Variants in CCDC110 observed in about 807,000 individuals in gnomAD.
CCDC110 encodes coiled-coil domain-containing protein 110.
A neutral mutation model predicts 77.1 loss-of-function variants in CCDC110; 70 were observed. That is an observed-to-expected ratio of 0.91 (90% CI 0.75 to 1.11). The LOEUF (loss-of-function observed/expected upper bound fraction) is 1.11, where lower values mean the gene tolerates loss of function less well. Ranked by LOEUF, CCDC110 falls within the 50% of genes least tolerant of loss-of-function variation. The pLI, the probability that CCDC110 is intolerant of heterozygous loss-of-function variation, is 0.00. For missense variants in CCDC110, 868 were observed against 942.9 expected, an observed-to-expected ratio of 0.92 and a Z score of 1.04; for synonymous variants, 295 against 312.5, an observed-to-expected ratio of 0.94 and a Z score of 0.59.
chr4:185,455,224 C>T (rs2095634365), intron 6 of CCDC110, among the ~76,000 whole-genome samples: 2 of 151,924 alleles, frequency 1.3e-5, no homozygotes, highest in African/African-American at 2.4e-5. Flanking sequence ...AACCATAATT[C>T]AAACAGTTCT....
In CCDC110 at chr4:185,456,246, A is replaced by G. The variant is rs138935895; in HGVS notation, c.2461+1880T>C. Among the ~76,000 whole-genome samples, 558 of 152,360 alleles carry G rather than the reference A, an allele frequency of 3.7e-3. 6 individuals are homozygous for G. Among genetic ancestry groups the G allele is most frequent in the African/African-American group, 0.013 (533 of 41,598 alleles). ...TTTAGAAATCAAGCAACTCACTTCC[A>G]ATCCATTGGGTCAAAGAATAAATCA... On this transcript the variant is annotated intron_variant, in intron 6 of 6. Coordinates refer to ENST00000307588, the MANE Select transcript of CCDC110 (RefSeq NM_152775.4).
At chr4:185,457,847 G>A in intron 6 of CCDC110, 1 of 1,247,504 alleles carries the variant, frequency 8.0e-7, no homozygotes, top group Non-Finnish European at 1.1e-6. Context: ...CTTTTAAGGT[G>A]GGAGTGCTAC....
intron 1 of CCDC110, 149 bp downstream of exon 1, chr4:185,471,525 C>T (rs764132357): frequency 2.2e-6 from 2 of 907,076 alleles, no homozygotes; most frequent in South Asian, 1.6e-5. Flanking sequence ...GTGCTCAGCC[C>T]TAGGGCCGAG....
Position 185,457,950 on chromosome 4 carries a change from T to C in CCDC110, c.2461+176A>G, listed in dbSNP as rs7664578. 446,570 of 601,384 alleles carry C rather than the reference T, an allele frequency of 0.74. 168,097 individuals are homozygous for C. The highest frequency in any genetic ancestry group is 0.81 in the Middle Eastern group (2,194 of 2,714). 37.3% of individuals were successfully genotyped at this position (601,384 alleles called of 1,614,324 possible). A position where few individuals can be genotyped will look rare whatever the true frequency, so the allele number is the denominator to read the frequency against. On this transcript the variant is annotated intron_variant, in intron 6 of 6. Coordinates refer to ENST00000307588, the MANE Select transcript of CCDC110 (RefSeq NM_152775.4). ...CACATAATATAAACAAAATAATATATATTTTATCTAGAAAAAATTCCTAAA... is the reference window on the plus strand; with the variant it reads ...CACATAATATAAACAAAATAATATACATTTTATCTAGAAAAAATTCCTAAA...
chr4:185,469,694 T>C (rs1426014883), intron 2 of CCDC110, among the ~76,000 whole-genome samples: 1 of 152,238 alleles, frequency 6.6e-6, no homozygotes, highest in African/African-American at 2.4e-5. Context: ...GGCCAGTGCC[T>C]GTCCTGCTGG....
At position 185,458,170 on chromosome 4, in the gene CCDC110, T is replaced by C. The variant is rs772455220; in HGVS notation, c.2417A>G (p.Asp806Gly). 3 of 1,597,042 alleles carry C rather than the reference T, an allele frequency of 1.9e-6. No individual in the cohort carries two copies. The highest frequency in any genetic ancestry group is 3.6e-5 in the Admixed American group (2 of 55,094). The change falls in exon 6 of 7, where the codon GAT becomes GGT. Residue 806 changes from aspartate (D) to glycine (G), a missense_variant. Coordinates refer to ENST00000307588, the MANE Select transcript of CCDC110 (RefSeq NM_152775.4). ...AGGCCTACTCTGAGGACTAGAAGTA[T>C]CTTCGTGAGTATAGTTGTCAAAATG... ...KFHFDNYTHEDTSSPQSRPLA... is the reference protein window; with the variant it reads ...KFHFDNYTHEGTSSPQSRPLA...
chr4:185,463,452 T>C (rs1000005558), intron 2 of CCDC110, among the ~76,000 whole-genome samples: 4 of 152,220 alleles, frequency 2.6e-5, no homozygotes, highest in African/African-American at 9.6e-5. Context: ...TTTCCCCTTA[T>C]GGAAACCAAG....
intron 4 of CCDC110, among the ~76,000 whole-genome samples, chr4:185,462,399 A>G (rs953943628): frequency 2.0e-5 from 3 of 152,222 alleles, no homozygotes; most frequent in African/African-American, 4.8e-5. Flanking sequence ...TAGTCTATAT[A>G]TAGACTTTAA....
At chr4:185,466,090 G>A (rs924673928) in intron 2 of CCDC110, among the ~76,000 whole-genome samples, 1 of 152,090 alleles carries the variant, frequency 6.6e-6, no homozygotes, top group Non-Finnish European at 1.5e-5. Flanking sequence ...ATTCAACATG[G>A]ATGGGCCGGG....
intron 6 of CCDC110, among the ~76,000 whole-genome samples, chr4:185,448,263 C>T (rs529220851): frequency 5.3e-5 from 8 of 152,236 alleles, no homozygotes; most frequent in African/African-American, 1.4e-4. Context: ...TCAGGTGATC[C>T]GCCCGCCTCA....
In CCDC110 at chr4:185,452,263, T is replaced by G. The variant is rs182357032; in HGVS notation, c.2461+5863A>C. On this transcript the variant is annotated intron_variant, in intron 6 of 6. Coordinates refer to ENST00000307588, the MANE Select transcript of CCDC110 (RefSeq NM_152775.4). Reference sequence around the variant, plus strand: ...CTCCTGTTATGATGCCTGTATGACTTGGGTAGTTTTCTGCATCCATCGTCA... The same window carrying G: ...CTCCTGTTATGATGCCTGTATGACTGGGGTAGTTTTCTGCATCCATCGTCA... 3.3e-5 allele frequency: 33 copies of G among 985,402 alleles called. No homozygotes were observed. The Admixed American group carries it at 6.1e-4, about 18-fold the overall frequency. The allele number at this position is 985,402 out of a possible 1,614,324, so 61.0% of individuals were successfully genotyped here. A position where few individuals can be genotyped will look rare whatever the true frequency, so the allele number is the denominator to read the frequency against.
rs766295487 is a variant in CCDC110, at chr4:185,459,401, CTT to C, written c.1184_1185del (p.Lys395ArgfsTer15). The C allele has an allele frequency of 3.3e-5, 53 of 1,611,768 alleles. No homozygotes were observed. The highest frequency in any genetic ancestry group is 1.7e-4 in the African/African-American group (13 of 74,876). Reference protein sequence around the residue: ...LDQTKHEMKDKERQPFLVKQG... With the variant: ...LDQTKHEMKDXERQPFLVKQG... ...TGTTTTACTAGAAATGGTTGTCTTT[CTT>C]TGTCTTTCATTTCATGTTTTGTTTG... is the stretch of plus-strand genomic sequence containing the variant. On this transcript the variant is annotated frameshift_variant, in exon 6 of 7. Transcript: ENST00000307588. LOFTEE classifies it high-confidence loss of function.
Position 185,458,902 on chromosome 4 carries a change from T to C in CCDC110, c.1685A>G (p.Asn562Ser), listed in dbSNP as rs369330861. The change falls in exon 6 of 7, where the codon AAT (asparagine) becomes AGT (serine). Residue 562 changes from asparagine to serine, a missense_variant. Coordinates refer to ENST00000307588, the MANE Select transcript of CCDC110 (RefSeq NM_152775.4). Reference protein sequence around the residue: ...KTQSDMAIVNNENNRMSIEME... With the variant: ...KTQSDMAIVNSENNRMSIEME... ...TTCTATACTCATTCGATTATTTTCA[T>C]TATTTACAATGGCCATATCACTTTG... The C allele has an allele frequency of 3.4e-5, 54 of 1,607,774 alleles. 1 individual carries two copies. Among genetic ancestry groups the C allele is most frequent in the Non-Finnish European group, 2.7e-5 (32 of 1,178,652 alleles).
chr4:185,463,134 T>G, intron 2 of CCDC110, 85 bp from the exon 3 acceptor site: 1 of 976,768 alleles, frequency 1.0e-6, no homozygotes. Flanking sequence ...TCTCCTAACT[T>G]GCTTGGATAG....
At chr4:185,451,968 T>G (rs934825008) in intron 6 of CCDC110, among the ~76,000 whole-genome samples, 2 of 152,214 alleles carry the variant, frequency 1.3e-5, no homozygotes, top group Non-Finnish European at 2.9e-5. Flanking sequence ...ATTGTGTCGG[T>G]TTACAGAAAA....
Position 185,458,982 on chromosome 4 carries a change from C to T in CCDC110, c.1605G>A (p.Glu535=). The change falls in exon 6 of 7, where the codon GAG becomes GAA. Residue 535 remains glutamate (E), a synonymous_variant. Transcript: ENST00000307588. ...LEEKNIQLSL[E]KQQMMEALDQ... Reference sequence around the variant, plus strand: ...CTAATGCTTCCATCATTTGTTGCTTCTCTAAAGAAAGTTGTATATTTTTTT... The same window carrying T: ...CTAATGCTTCCATCATTTGTTGCTTTTCTAAAGAAAGTTGTATATTTTTTT... The T allele has an allele frequency of 6.2e-7, 1 of 1,604,952 alleles. No homozygotes were observed. Among genetic ancestry groups the T allele is most frequent in the Non-Finnish European group, 8.5e-7 (1 of 1,177,778 alleles).
chr4:185,449,210 T>G (rs13434493), intron 6 of CCDC110, among the ~76,000 whole-genome samples: 1 of 151,994 alleles, frequency 6.6e-6, no homozygotes, highest in Non-Finnish European at 1.5e-5. Context: ...AATTTTTTAA[T>G]GAAAATAGTT....
In CCDC110 at chr4:185,445,966, C is replaced by T. The variant is rs574395889; in HGVS notation, c.2462-424G>A. On this transcript the variant is annotated intron_variant, in intron 6 of 6. Coordinates refer to ENST00000307588, the MANE Select transcript of CCDC110 (RefSeq NM_152775.4). ...AAGCGATTCTCCTGCCTCAGCCTCC[C>T]GAGTAGCTGGGATTACAGGCATGCA... Among the ~76,000 whole-genome samples the T allele has an allele frequency of 7.9e-5, 12 of 152,202 alleles. 1 individual carries two copies. The South Asian group carries it at 1.9e-3, about 24-fold the overall frequency.
chr4:185,470,908 ATAGT>A (rs1380501460), intron 2 of CCDC110, 33 bp downstream of exon 2: 3 of 1,415,246 alleles, frequency 2.1e-6, no homozygotes, highest in Admixed American at 3.4e-5. Context: ...CCGCCTGTGT[ATAGT>A]TAAAGGAGCC....
Sources: gnomAD v4.1 joint callset for allele counts (sites outside exome capture counted in the v4.1 genomes callset) on GRCh38, gnomAD v4.1.1 for gene constraint, MANE v1.5 for transcripts, NCBI Gene and HGNC (gene_info 2026-07-23, HGNC 2026-07-21) for gene names.